CEP112: variants seen among roughly 807,000 people sequenced by gnomAD.
CEP112 encodes centrosomal protein 112.
A neutral mutation model predicts 153.0 loss-of-function variants in CEP112; 127 were observed. The observed-to-expected ratio is 0.83, with a 90% CI of 0.72 to 0.96. The LOEUF (loss-of-function observed/expected upper bound fraction) is 0.96. Among genes scored for constraint, CEP112 ranks in the 40% least tolerant of loss-of-function variants. The pLI is 0.00. For missense variants in CEP112, 1,089 were observed against 1,101.2 expected (o/e 0.99, Z 0.16); for synonymous variants, 358 against 374.4 (o/e 0.96, Z 0.51).
intron 16 of CEP112, 76 bp downstream of exon 16, chr17:66,027,425 G>T: frequency 1.6e-6 from 2 of 1,224,970 alleles, no homozygotes; most frequent in Non-Finnish European, 2.1e-6. Flanking sequence ...AGAATGTATG[G>T]TTTCATAAAA....
chr17:65,699,574 C>G (rs232142), intron 23 of CEP112, among the ~76,000 whole-genome samples: 71,862 of 151,934 alleles, frequency 0.47, 17,376 homozygotes, highest in Middle Eastern at 0.56. Flanking sequence ...TACACTGGCA[C>G]GTTGTCTTTA....
At chr17:65,837,510 T>G (rs1344126001) in intron 21 of CEP112, among the ~76,000 whole-genome samples, 1 of 150,740 alleles carries the variant, frequency 6.6e-6, no homozygotes, top group Non-Finnish European at 1.5e-5. Flanking sequence ...GTCTGGGAGG[T>G]GAGGAGCGTC....
intron 20 of CEP112, among the ~76,000 whole-genome samples, chr17:65,894,377 T>C (rs138285642): frequency 0.011 from 1,705 of 152,230 alleles, 16 homozygotes; most frequent in Middle Eastern, 0.095. Flanking sequence ...ACACATTTTC[T>C]AATTATACCC....
chr17:65,784,769 T>C (rs2054185699), intron 21 of CEP112, among the ~76,000 whole-genome samples: 1 of 152,174 alleles, frequency 6.6e-6, no homozygotes, highest in African/African-American at 2.4e-5. Context: ...TGAGCCACCA[T>C]ACCCAGCCAG....
intron 24 of CEP112, among the ~76,000 whole-genome samples, chr17:65,647,925 T>A (rs1209209766): frequency 6.6e-6 from 1 of 152,162 alleles, no homozygotes; most frequent in Admixed American, 6.5e-5. Context: ...CAACAGACCA[T>A]GAAGCAAGAT....
intron 2 of CEP112, among the ~76,000 whole-genome samples, chr17:66,181,515 T>TTGTGTG (rs55958203): frequency 1.3e-5 from 2 of 151,392 alleles, no homozygotes; most frequent in African/African-American, 4.9e-5. Context: ...CCATCTAATT[T>TTGTGTG]TGTGTGTGTG....
At chr17:65,727,636 A>T (rs1326011913) in intron 23 of CEP112, among the ~76,000 whole-genome samples, 2 of 152,208 alleles carry the variant, frequency 1.3e-5, no homozygotes, top group Non-Finnish European at 2.9e-5. Flanking sequence ...GAAAGACTGG[A>T]GGTAACCCTG....
intron 21 of CEP112, among the ~76,000 whole-genome samples, chr17:65,761,293 T>A (rs2052599107): frequency 6.6e-6 from 1 of 151,948 alleles, no homozygotes; most frequent in Non-Finnish European, 1.5e-5. Context: ...TTATTTTTAT[T>A]TTTAAAGACA....
intron 2 of CEP112, among the ~76,000 whole-genome samples, chr17:66,177,902 T>A (rs2072555655): frequency 6.6e-6 from 1 of 152,206 alleles, no homozygotes; most frequent in Admixed American, 6.5e-5. Context: ...CTCATTATCT[T>A]TTATGGCTGA....
At position 66,171,101 on chromosome 17, in the gene CEP112, C is replaced by A. The variant is rs530368707; in HGVS notation, c.470+3943G>T. Among the ~76,000 whole-genome samples the A allele has an allele frequency of 2.6e-5, 4 of 152,216 alleles. No individual in the cohort carries two copies. In the South Asian group the frequency reaches 8.3e-4, roughly 32 times the overall value. ...GAACAAGACTATATACCATATCCTACAGGAAGAATAAAAGTAAAGGAAAGG... is the reference window on the plus strand; with the variant it reads ...GAACAAGACTATATACCATATCCTAAAGGAAGAATAAAAGTAAAGGAAAGG... On this transcript the variant is annotated intron_variant, in intron 4 of 26. Transcript: ENST00000535342.
chr17:65,758,086 G>A (rs1567970421), intron 21 of CEP112, among the ~76,000 whole-genome samples: 3 of 152,134 alleles, frequency 2.0e-5, no homozygotes, highest in Admixed American at 6.5e-5. Flanking sequence ...CCTCAGCATC[G>A]CAAGTAGCTG....
chr17:66,174,418 G>C (rs1183403664), intron 4 of CEP112, among the ~76,000 whole-genome samples: 1 of 152,138 alleles, frequency 6.6e-6, no homozygotes, highest in Admixed American at 6.6e-5. Flanking sequence ...ATTACCAAGA[G>C]AATGGTGAGG....
intron 20 of CEP112, among the ~76,000 whole-genome samples, chr17:65,863,069 A>G (rs912822351): frequency 5.9e-5 from 9 of 152,190 alleles, no homozygotes; most frequent in African/African-American, 2.2e-4. Flanking sequence ...CACCAAATTT[A>G]TGATTTTAAA....
At chr17:65,927,248 C>T (rs952960734) in intron 19 of CEP112, among the ~76,000 whole-genome samples, 4 of 152,124 alleles carry the variant, frequency 2.6e-5, no homozygotes, top group African/African-American at 4.8e-5. Context: ...CTTCTTGAGG[C>T]CTCTCCAGAA....
intron 4 of CEP112, among the ~76,000 whole-genome samples, chr17:66,165,575 A>G (rs2071919847): frequency 6.6e-6 from 1 of 152,266 alleles, no homozygotes. Context: ...AATGTTATAT[A>G]GTATCATTTA....
intron 21 of CEP112, among the ~76,000 whole-genome samples, chr17:65,825,433 A>G (rs12943065): frequency 0.34 from 51,745 of 151,934 alleles, 10,151 homozygotes; most frequent in Middle Eastern, 0.48. Flanking sequence ...CTGGTTCCTA[A>G]CAGGCCACAG....
Position 65,739,735 on chromosome 17 carries a change from C to CAA in CEP112, c.2607+3331_2607+3332dup, listed in dbSNP as rs202185094. Among the ~76,000 whole-genome samples, 4 of 142,402 alleles carry CAA rather than the reference C, an allele frequency of 2.8e-5. No homozygotes were observed. The East Asian group carries it at 8.1e-4, about 29-fold the overall frequency. 93.4% of individuals were successfully genotyped at this position (142,402 alleles called of 152,430 possible). A position where few individuals can be genotyped will look rare whatever the true frequency, so the allele number is the denominator to read the frequency against. ...TGGGCAACAGAGCAAGACTCCATCT[C>CAA]AAAAAAAAAAAATCTACTCTTACGA... On this transcript the variant is annotated intron_variant, in intron 23 of 26. Transcript: ENST00000535342.
intron 20 of CEP112, among the ~76,000 whole-genome samples, chr17:65,858,952 G>C (rs2058213080): frequency 6.6e-6 from 1 of 152,048 alleles, no homozygotes; most frequent in African/African-American, 2.4e-5. Context: ...ACCCAAAATA[G>C]TACCAATGTA....
intron 23 of CEP112, among the ~76,000 whole-genome samples, chr17:65,722,599 C>A (rs528435397): frequency 6.6e-6 from 1 of 152,208 alleles, no homozygotes; most frequent in African/African-American, 2.4e-5. Context: ...TTCTGTTAAT[C>A]AATGAAATAA....
Sources: gnomAD v4.1 joint callset for allele counts (sites outside exome capture counted in the v4.1 genomes callset) on GRCh38, gnomAD v4.1.1 for gene constraint, MANE v1.5 for transcripts, NCBI Gene and HGNC (gene_info 2026-07-23, HGNC 2026-07-21) for gene names.